The following POLH variants were observed in gnomAD, a reference collection of about 807,000 sequenced individuals.
The protein encoded by POLH is DNA polymerase eta.
POLH carries 53 observed loss-of-function variants against 73.6 expected under a neutral mutation model. That is an observed-to-expected ratio of 0.72 (90% CI 0.58 to 0.91). POLH has a LOEUF of 0.91. Ranked by LOEUF, POLH falls within the 40% of genes least tolerant of loss-of-function variation. POLH has a pLI of 0.00. For missense variants in POLH, 768 were observed against 865.4 expected, an observed-to-expected ratio of 0.89 and a Z score of 1.41; for synonymous variants, 292 against 308.5, an observed-to-expected ratio of 0.95 and a Z score of 0.56.
intron 4 of POLH, chr6:43,591,418 C>G (rs1202221193): frequency 6.6e-6 from 1 of 152,196 alleles, no homozygotes; most frequent in African/African-American, 2.4e-5. Context: ...CTCCAGGGTT[C>G]AAGTGATCCT....
chr6:43,593,878 CAA>C (rs768129925), intron 4 of POLH, among the ~76,000 whole-genome samples: 142 of 85,162 alleles, frequency 1.7e-3, no homozygotes, highest in Middle Eastern at 0.016. Flanking sequence ...GACTCCGTCT[CAA>C]AAAAAAAAAA....
chr6:43,577,582 C>T (rs1302680149), intron 1 of POLH, among the ~76,000 whole-genome samples: 1 of 151,862 alleles, frequency 6.6e-6, no homozygotes, highest in Non-Finnish European at 1.5e-5. Context: ...TTTCTTTCCA[C>T]TCACCTTCCT....
At chr6:43,596,882 A>T (rs1766123854) in intron 4 of POLH, among the ~76,000 whole-genome samples, 1 of 152,188 alleles carries the variant, frequency 6.6e-6, no homozygotes. Context: ...ATCTGACTTA[A>T]AACAGCTTAT....
intron 9 of POLH, 68 bp from the exon 10 acceptor site, chr6:43,610,486 A>T: frequency 7.8e-7 from 1 of 1,279,942 alleles, no homozygotes; most frequent in Admixed American, 1.7e-5. Flanking sequence ...CCTCTCCTGC[A>T]GTTCAGTACC....
chr6:43,590,220 A>G (rs1278971978), intron 4 of POLH, among the ~76,000 whole-genome samples: 9 of 151,998 alleles, frequency 5.9e-5, no homozygotes, highest in Non-Finnish European at 1.5e-5. Context: ...CTAGCTGGGC[A>G]TGGTAGCATG....
chr6:43,618,959 A>G lies in POLH; in HGVS notation c.*4402A>G, dbSNP rs1326648495. The stretch of plus-strand genomic sequence containing the variant: ...CTTCTACTTTTTATTTTATTTATAA[A>G]TTGGGGGGGGGGTTCTATATTTAGT... On this transcript the variant is annotated 3_prime_UTR_variant, in exon 11 of 11. Coordinates refer to ENST00000372236, the MANE Select transcript of POLH (RefSeq NM_006502.3). Among the ~76,000 whole-genome samples the G allele has an allele frequency of 1.5e-5, 2 of 134,170 alleles. No individual in the cohort carries two copies. The highest frequency in any genetic ancestry group is 3.2e-5 in the Non-Finnish European group (2 of 62,904). The allele number at this position is 134,170 out of a possible 152,430, so 88.0% of individuals were successfully genotyped here.
chr6:43,601,152 G>T, intron 6 of POLH, 61 bp downstream of exon 6: 1 of 1,175,996 alleles, frequency 8.5e-7, no homozygotes, highest in Non-Finnish European at 1.3e-6. Context: ...CTCTCTGGTT[G>T]TAGTTTCTTG....
intron 7 of POLH, 125 bp from the exon 8 acceptor site, chr6:43,604,490 A>G: frequency 1.9e-6 from 2 of 1,062,846 alleles, no homozygotes; most frequent in Non-Finnish European, 2.8e-6. Flanking sequence ...GGTACACTAA[A>G]TTTTGGACAA....
rs6899628 is a variant in POLH at position 43,614,847 on chromosome 6, C to T, written c.*290C>T. 0.077 allele frequency: 28,440 copies of T among 368,234 alleles called. 3,003 individuals are homozygous for T. Among genetic ancestry groups the T allele is most frequent in the African/African-American group, 0.33 (15,669 of 48,018 alleles). The allele number at this position is 368,234 out of a possible 1,614,324, so 22.8% of individuals were successfully genotyped here. A position where few individuals can be genotyped will look rare whatever the true frequency, so the allele number is the denominator to read the frequency against. ...TGTGTGGGCCTTGGAGTCTAAGAGA[C>T]GTGGTTGCAAACTTAGCTCTGGTTA... is the stretch of plus-strand genomic sequence containing the variant. On this transcript the variant is annotated 3_prime_UTR_variant, in exon 11 of 11. Transcript: ENST00000372236.
intron 4 of POLH, among the ~76,000 whole-genome samples, chr6:43,595,282 C>T (rs1258144694): frequency 6.6e-6 from 1 of 151,890 alleles, no homozygotes; most frequent in Non-Finnish European, 1.5e-5. Context: ...AGGTGTGCAC[C>T]ACCACGCCTG....
intron 10 of POLH, among the ~76,000 whole-genome samples, chr6:43,611,679 T>A (rs1187408803): frequency 2.0e-5 from 3 of 152,198 alleles, no homozygotes; most frequent in African/African-American, 7.2e-5. Flanking sequence ...AAATCAAAGT[T>A]TAGTTAATCG....
chr6:43,593,894 A>C (rs544008226), intron 4 of POLH, among the ~76,000 whole-genome samples: 1 of 151,616 alleles, frequency 6.6e-6, no homozygotes, highest in Non-Finnish European at 1.5e-5. Context: ...AAAAAAAAAA[A>C]AAAAAGAAAG....
intron 1 of POLH, among the ~76,000 whole-genome samples, chr6:43,580,113 T>TAAC (rs1554138041): frequency 6.7e-6 from 1 of 149,518 alleles, no homozygotes; most frequent in Admixed American, 6.6e-5. Flanking sequence ...TGATGACTCT[T>TAAC]AACGAGCATG....
intron 1 of POLH, among the ~76,000 whole-genome samples, chr6:43,576,736 A>G (rs187088882): frequency 7.6e-4 from 116 of 152,368 alleles, no homozygotes; most frequent in Non-Finnish European, 1.1e-3. Flanking sequence ...AAAGGGAATA[A>G]TTGCAATCAG....
chr6:43,578,364 G>A (rs2127765787), intron 1 of POLH: 1 of 421,658 alleles, frequency 2.4e-6, no homozygotes, highest in Non-Finnish European at 4.7e-6. Flanking sequence ...TCCAGCCTGC[G>A]CAACGAGAAC....
chr6:43,613,858 A>G lies in POLH; in HGVS notation c.1443A>G (p.Glu481=), dbSNP rs1388254446. Residue 481 remains glutamate (E), a synonymous_variant, in exon 11 of 11, where the codon GAA becomes GAG. Coordinates refer to ENST00000372236, the MANE Select transcript of POLH (RefSeq NM_006502.3). ...TATKKATTSL[E]SFFQKAAERQ... ...CTAAGAAAGCAACCACGTCTCTGGA[A>G]TCATTCTTCCAAAAAGCTGCAGAAA... 6.2e-7 allele frequency: 1 copy of G among 1,614,098 alleles called. No individual in the cohort carries two copies. Among genetic ancestry groups the G allele is most frequent in the Non-Finnish European group, 8.5e-7 (1 of 1,180,048 alleles).
At position 43,576,355 on chromosome 6, in the gene POLH, GC is replaced by G. The variant is rs886061432; in HGVS notation, c.-87del. ...TAGAAAGGCGAAAAGATATTCAGGA[GC>G]CCTTCCATTTTCCTTCCAGTAGGCA... is the stretch of plus-strand genomic sequence containing the variant. On this transcript the variant is annotated 5_prime_UTR_variant, in exon 1 of 11. Coordinates refer to ENST00000372236, the MANE Select transcript of POLH (RefSeq NM_006502.3). 1.3e-5 allele frequency: 2 copies of G among 152,570 alleles called. No individual in the cohort carries two copies. The highest frequency in any genetic ancestry group is 1.3e-4 in the Admixed American group (2 of 15,284). The allele number at this position is 152,570 out of a possible 1,614,324, so 9.5% of individuals were successfully genotyped here. A position where few individuals can be genotyped will look rare whatever the true frequency, so the allele number is the denominator to read the frequency against.
chr6:43,580,771 C>A (rs1369131278), intron 1 of POLH, among the ~76,000 whole-genome samples: 2 of 135,336 alleles, frequency 1.5e-5, no homozygotes, highest in Non-Finnish European at 3.2e-5. Context: ...GGGGCCGACC[C>A]CCCCACCTCC....
intron 3 of POLH, 31 bp downstream of exon 3, chr6:43,583,172 A>G: frequency 6.2e-7 from 1 of 1,602,880 alleles, no homozygotes; most frequent in Non-Finnish European, 8.5e-7. Context: ...AAGGAGACAT[A>G]AAGGAGTCGA....
Sources: gnomAD v4.1 joint callset for allele counts (sites outside exome capture counted in the v4.1 genomes callset) on GRCh38, gnomAD v4.1.1 for gene constraint, MANE v1.5 for transcripts, NCBI Gene and HGNC (gene_info 2026-07-23, HGNC 2026-07-21) for gene names.